RBM18: variants seen among roughly 807,000 people sequenced by gnomAD.
RBM18 encodes probable RNA-binding protein 18.
RBM18 carries 18 observed loss-of-function variants against 26.4 expected under a neutral mutation model. The ratio of observed to expected loss-of-function variants is 0.68; its 90% CI spans 0.47 to 1.01. RBM18 has a LOEUF of 1.01. Ranked by LOEUF, RBM18 falls within the 50% of genes least tolerant of loss-of-function variation. The pLI is 0.00. For synonymous variants in RBM18, 74 were observed against 81.1 expected (o/e 0.91, Z 0.47); for missense variants, 180 against 219.2 (o/e 0.82, Z 1.13).
At chr9:122,261,604 A>G in intron 1 of RBM18, 96 bp from the exon 2 acceptor site, 1 of 845,312 alleles carries the variant, frequency 1.2e-6, no homozygotes, top group South Asian at 1.5e-5. Flanking sequence ...CAAGGAGGGC[A>G]TGCCCTCTGG....
chr9:122,253,495 T>C (rs781561936), intron 2 of RBM18, among the ~76,000 whole-genome samples: 4 of 152,102 alleles, frequency 2.6e-5, no homozygotes, highest in Non-Finnish European at 5.9e-5. Context: ...AGAGAGAATG[T>C]AGGAAGTGAC....
intron 1 of RBM18, among the ~76,000 whole-genome samples, chr9:122,263,762 T>C (rs1287109433): frequency 6.6e-6 from 1 of 152,256 alleles, no homozygotes; most frequent in East Asian, 1.9e-4. Flanking sequence ...ATGTCTAAAA[T>C]CAGGAATAAT....
chr9:122,247,430 T>C (rs1175447769), intron 4 of RBM18, 88 bp downstream of exon 4: 1 of 1,079,672 alleles, frequency 9.3e-7, no homozygotes, highest in Non-Finnish European at 1.4e-6. Context: ...TGTGAAGAGA[T>C]TGGGACATAA....
intron 1 of RBM18, among the ~76,000 whole-genome samples, chr9:122,264,151 T>C (rs138798632): frequency 4.0e-3 from 605 of 152,320 alleles, no homozygotes; most frequent in Admixed American, 6.0e-3. Context: ...GCTTAATATT[T>C]ACTAAATGAA....
intron 2 of RBM18, among the ~76,000 whole-genome samples, chr9:122,257,702 C>G (rs1232285248): frequency 6.6e-6 from 1 of 152,138 alleles, no homozygotes; most frequent in East Asian, 1.9e-4. Context: ...CATATTCATT[C>G]ATAACAGTAA....
chr9:122,245,464 C>T (rs1831490468), intron 4 of RBM18, 123 bp from the exon 5 acceptor site: 1 of 546,980 alleles, frequency 1.8e-6, no homozygotes, highest in Admixed American at 3.4e-5. Context: ...AATTTTAGGA[C>T]CACTTTACAC....
At chr9:122,259,187 C>G (rs982300846) in intron 2 of RBM18, among the ~76,000 whole-genome samples, 1 of 152,122 alleles carries the variant, frequency 6.6e-6, no homozygotes, top group East Asian at 1.9e-4. Flanking sequence ...ACTGAGGTGG[C>G]AAATGCCCAT....
chr9:122,251,829 G>C lies in RBM18; in HGVS notation c.240+18C>G. The C allele has an allele frequency of 2.5e-6, 4 of 1,609,340 alleles. No homozygotes were observed. Among genetic ancestry groups the C allele is most frequent in the Non-Finnish European group, 3.4e-6 (4 of 1,175,990 alleles). ...AGAGCTTGATAAATATTATAAAATGGGGAGAAAGCTTAATTACCTGCTTAG... is the reference window on the plus strand; with the variant it reads ...AGAGCTTGATAAATATTATAAAATGCGGAGAAAGCTTAATTACCTGCTTAG... On this transcript the variant is annotated intron_variant, in intron 3 of 5. Coordinates refer to ENST00000417201, the MANE Select transcript of RBM18 (RefSeq NM_033117.4).
rs1214492370 is a variant in RBM18 at position 122,253,738 on chromosome 9, A to AT, written c.114-1766_114-1765insA. 1.6e-3 allele frequency among the ~76,000 whole-genome samples: 250 copies of AT among 151,828 alleles called. 2 individuals are homozygous for AT. Among genetic ancestry groups the AT allele is most frequent in the Middle Eastern group, 3.4e-3 (1 of 294 alleles). On this transcript the variant is annotated intron_variant, in intron 2 of 5. Transcript: ENST00000417201. ...CTATTCTTAAAAAAAAAAAAAAAAAAATCTAGGCCAGGCGCAGTGGCTCAC... is the reference window on the plus strand; with the variant it reads ...CTATTCTTAAAAAAAAAAAAAAAAAATATCTAGGCCAGGCGCAGTGGCTCAC...
In RBM18 at chr9:122,245,338, A is replaced by C. The variant is rs996001734; in HGVS notation, c.331T>G (p.Tyr111Asp). 2 of 1,597,752 alleles carry C rather than the reference A, an allele frequency of 1.3e-6. No homozygotes were observed. The highest frequency in any genetic ancestry group is 1.7e-6 in the Non-Finnish European group (2 of 1,165,512). The change falls in exon 5 of 6, where the codon TAT (tyrosine) becomes GAT (aspartate). Residue 111 changes from tyrosine to aspartate, a missense_variant. This residue lies in a region of RBM18 where 103 missense variants were observed against 102.8 expected (regional missense o/e 1.00). Coordinates refer to ENST00000417201, the MANE Select transcript of RBM18 (RefSeq NM_033117.4). Reference sequence around the variant, plus strand: ...ATCTTATCATTCTTGTTATGATCATATCTCTGAAAATGAGAAATAGAGAAA... The same window carrying C: ...ATCTTATCATTCTTGTTATGATCATCTCTCTGAAAATGAGAAATAGAGAAA... Reference protein sequence around the residue: ...VRWAHAQVKRYDHNKNDKILP... With the variant: ...VRWAHAQVKRDDHNKNDKILP...
Position 122,247,515 on chromosome 9 carries a change from T to C in RBM18, c.327+3A>G. The C allele has an allele frequency of 3.7e-6, 6 of 1,613,432 alleles. No individual in the cohort carries two copies. Among genetic ancestry groups the C allele is most frequent in the Non-Finnish European group, 4.2e-6 (5 of 1,179,470 alleles). On this transcript the variant is annotated splice_donor_region_variant and intron_variant, in intron 4 of 5. Coordinates refer to ENST00000417201, the MANE Select transcript of RBM18 (RefSeq NM_033117.4). ...TGATGTCTTTCTAGCCTCTCAGACG[T>C]ACCTTTACTTGAGCATGTGCCCATC...
rs1831390773 is a variant in RBM18, at chr9:122,240,046, T to C, written c.*1838A>G. ...ATTTATTCACACAGAGGGATAAGAA[T>C]CAGTACAAATAATAAACAGTGCTTT... On this transcript the variant is annotated 3_prime_UTR_variant, in exon 6 of 6. Coordinates refer to ENST00000417201, the MANE Select transcript of RBM18 (RefSeq NM_033117.4). The C allele has an allele frequency of 6.6e-6, 1 of 152,178 alleles. No individual in the cohort carries two copies. The highest frequency in any genetic ancestry group is 1.5e-5 in the Non-Finnish European group (1 of 68,018). The allele number at this position is 152,178 out of a possible 1,614,324, so 9.4% of individuals were successfully genotyped here.
chr9:122,253,996 C>G (rs574731419), intron 2 of RBM18, among the ~76,000 whole-genome samples: 13 of 151,066 alleles, frequency 8.6e-5, no homozygotes, highest in African/African-American at 3.2e-4. Flanking sequence ...CCACTGCACT[C>G]CAGCCTGGGC....
chr9:122,248,986 G>A (rs942519742), intron 3 of RBM18, among the ~76,000 whole-genome samples: 2 of 152,198 alleles, frequency 1.3e-5, no homozygotes, highest in Non-Finnish European at 2.9e-5. Flanking sequence ...AGCACACAAA[G>A]CTAGAGTGAC....
chr9:122,243,958 A>C lies in RBM18; in HGVS notation c.413+1298T>G, dbSNP rs1015617678. Reference sequence around the variant, plus strand: ...AAGAAACTAAAGACATGTTCATTGTAACATGAAGACCACCAAGCATAAATG... The same window carrying C: ...AAGAAACTAAAGACATGTTCATTGTCACATGAAGACCACCAAGCATAAATG... On this transcript the variant is annotated intron_variant, in intron 5 of 5. Transcript: ENST00000417201. The C allele has an allele frequency of 7.3e-6, 5 of 681,340 alleles. No individual in the cohort carries two copies. In the African/African-American group the frequency reaches 9.8e-5, roughly 13 times the overall value. The allele number at this position is 681,340 out of a possible 1,614,324, so 42.2% of individuals were successfully genotyped here. A position where few individuals can be genotyped will look rare whatever the true frequency, so the allele number is the denominator to read the frequency against.
Position 122,239,446 on chromosome 9 carries a change from T to C in RBM18, c.*2438A>G, listed in dbSNP as rs985807562. On this transcript the variant is annotated 3_prime_UTR_variant, in exon 6 of 6. Coordinates refer to ENST00000417201, the MANE Select transcript of RBM18 (RefSeq NM_033117.4). ...CATTTTGCATTTGATAAAATAGGAA[T>C]TGAGATGAAGAAAATAGTTCATACG... The C allele has an allele frequency of 6.6e-6, 1 of 152,248 alleles. No homozygotes were observed. The highest frequency in any genetic ancestry group is 1.5e-5 in the Non-Finnish European group (1 of 68,044). 9.4% of individuals were successfully genotyped at this position (152,248 alleles called of 1,614,324 possible).
chr9:122,250,792 T>C (rs1292309152), intron 3 of RBM18, among the ~76,000 whole-genome samples: 3 of 152,218 alleles, frequency 2.0e-5, no homozygotes, highest in East Asian at 3.9e-4. Flanking sequence ...GTGTTAACAG[T>C]GATTATTTCT....
At chr9:122,258,113 G>C (rs1435582140) in intron 2 of RBM18, among the ~76,000 whole-genome samples, 1 of 152,140 alleles carries the variant, frequency 6.6e-6, no homozygotes, top group Non-Finnish European at 1.5e-5. Flanking sequence ...AGATCCAGAA[G>C]TTTTTGTATT....
At position 122,238,289 on chromosome 9, in the gene RBM18, CCTG is replaced by C. The variant is rs2118941821; in HGVS notation, c.*3592_*3594del. On this transcript the variant is annotated 3_prime_UTR_variant, in exon 6 of 6. Coordinates refer to ENST00000417201, the MANE Select transcript of RBM18 (RefSeq NM_033117.4). ...GAGGGTATAGCAGTGATATACAGTT[CCTG>C]CTTACATGAAACTTACATTCCAATA... 6 of 152,274 alleles carry C rather than the reference CCTG, an allele frequency of 3.9e-5. No individual in the cohort carries two copies. The highest frequency in any genetic ancestry group is 1.4e-4 in the African/African-American group (6 of 41,548). The allele number at this position is 152,274 out of a possible 1,614,324, so 9.4% of individuals were successfully genotyped here. A position where few individuals can be genotyped will look rare whatever the true frequency, so the allele number is the denominator to read the frequency against.
Sources: allele counts gnomAD v4.1 joint callset (sites outside exome capture counted in the v4.1 genomes callset), GRCh38; gene constraint gnomAD v4.1.1; regional missense constraint gnomAD v4.1.1; transcripts MANE v1.5; gene names NCBI Gene and HGNC (gene_info 2026-07-23, HGNC 2026-07-21).